Variants in TENM2 observed in about 807,000 individuals in gnomAD.
TENM2 encodes the protein teneurin-2.
Under a neutral mutation model 245.2 loss-of-function variants are expected in TENM2, and 52 were observed. That is an observed-to-expected ratio of 0.21 (90% CI 0.17 to 0.27). TENM2 has a LOEUF of 0.27. Ranked by LOEUF, TENM2 falls within the 10% of genes least tolerant of loss-of-function variation. The pLI, the probability that TENM2 is intolerant of heterozygous loss-of-function variation, is 1.00. For synonymous variants in TENM2, 1,363 were observed against 1,438.9 expected, an observed-to-expected ratio of 0.95 and a Z score of 1.19; for missense variants, 3,046 against 3,666.8, an observed-to-expected ratio of 0.83 and a Z score of 4.37.
chr5:167,866,802 A>G (rs1772361986), intron 2 of TENM2, among the ~76,000 whole-genome samples: 1 of 152,216 alleles, frequency 6.6e-6, no homozygotes, highest in African/African-American at 2.4e-5. Context: ...GAAAGGTAGA[A>G]CAATAGTCTA....
At chr5:167,127,474 C>T in the TENM2 span, among the ~76,000 whole-genome samples, 1 of 152,126 alleles carries the variant, frequency 6.6e-6, no homozygotes, top group African/African-American at 2.4e-5. Context: ...TTGATGCATT[C>T]ATTTTACTAC....
At chr5:167,561,460 T>C (rs770746237) in intron 2 of TENM2, among the ~76,000 whole-genome samples, 15 of 152,158 alleles carry the variant, frequency 9.9e-5, no homozygotes, top group Non-Finnish European at 2.2e-4. Context: ...AGGCTGAACT[T>C]TTGCTGCCCA....
the TENM2 span, among the ~76,000 whole-genome samples, chr5:167,212,312 G>A: frequency 3.3e-5 from 5 of 152,096 alleles, no homozygotes; most frequent in East Asian, 3.9e-4. Context: ...AGCAGCAGCC[G>A]GACCTTTCTC....
chr5:167,424,081 G>A (rs1763669491), intron 2 of TENM2, among the ~76,000 whole-genome samples: 1 of 152,094 alleles, frequency 6.6e-6, no homozygotes, highest in Non-Finnish European at 1.5e-5. Flanking sequence ...AGAAATACCT[G>A]TCTTTGGCCA....
intron 2 of TENM2, among the ~76,000 whole-genome samples, chr5:167,696,753 T>G (rs1322169338): frequency 2.6e-5 from 4 of 152,154 alleles, no homozygotes; most frequent in African/African-American, 9.7e-5. Context: ...AACCACACTT[T>G]GTCGGAGAGA....
the TENM2 span, among the ~76,000 whole-genome samples, chr5:167,276,975 C>T: frequency 6.6e-6 from 1 of 152,094 alleles, no homozygotes; most frequent in South Asian, 2.1e-4. Flanking sequence ...CTGTTTTATT[C>T]CTGATGTGGA....
At chr5:167,233,129 A>G in the TENM2 span, among the ~76,000 whole-genome samples, 3 of 152,164 alleles carry the variant, frequency 2.0e-5, no homozygotes, top group African/African-American at 7.2e-5. Context: ...GATCATTACT[A>G]TGAGCTCTGG....
At chr5:167,690,069 A>G (rs920544360) in intron 2 of TENM2, among the ~76,000 whole-genome samples, 37 of 150,264 alleles carry the variant, frequency 2.5e-4, no homozygotes, top group Non-Finnish European at 5.3e-4. Context: ...TCATCTGGGA[A>G]TGGAAGAGGC....
chr5:167,623,691 TTTG>T (rs1371874680), intron 2 of TENM2, among the ~76,000 whole-genome samples: 1 of 152,192 alleles, frequency 6.6e-6, no homozygotes, highest in East Asian at 1.9e-4. Context: ...ATTGATCTTT[TTTG>T]TTGTTGTTCT....
chr5:167,724,945 C>G (rs897786213), intron 2 of TENM2, among the ~76,000 whole-genome samples: 1 of 152,168 alleles, frequency 6.6e-6, no homozygotes, highest in Non-Finnish European at 1.5e-5. Flanking sequence ...CATCTTACCA[C>G]TCTTCCTGGC....
At chr5:167,596,237 A>G (rs1327992435) in intron 2 of TENM2, among the ~76,000 whole-genome samples, 1 of 152,124 alleles carries the variant, frequency 6.6e-6, no homozygotes, top group African/African-American at 2.4e-5. Flanking sequence ...CTGAAAAGTA[A>G]ATATTGTCCC....
At chr5:167,602,850 A>T (rs1225330108) in intron 2 of TENM2, among the ~76,000 whole-genome samples, 1 of 152,208 alleles carries the variant, frequency 6.6e-6, no homozygotes, top group Non-Finnish European at 1.5e-5. Flanking sequence ...ATAAAGGCTA[A>T]AAATAAATAC....
the TENM2 span, among the ~76,000 whole-genome samples, chr5:167,240,258 CT>C: frequency 2.6e-3 from 361 of 141,264 alleles, no homozygotes; most frequent in Non-Finnish European, 2.2e-3. Context: ...GGTAGGTGGC[CT>C]TTTTTTTTTT....
chr5:167,596,441 T>C (rs1371385559), intron 2 of TENM2, among the ~76,000 whole-genome samples: 2 of 152,106 alleles, frequency 1.3e-5, no homozygotes, highest in Non-Finnish European at 2.9e-5. Flanking sequence ...ATTAATCACA[T>C]TGAGCTAGTT....
chr5:167,569,191 T>C (rs1774117795), intron 2 of TENM2, among the ~76,000 whole-genome samples: 1 of 150,854 alleles, frequency 6.6e-6, no homozygotes, highest in Admixed American at 6.6e-5. Context: ...TTATTTTGTA[T>C]AATTTTGATG....
intron 13 of TENM2, among the ~76,000 whole-genome samples, chr5:168,178,739 G>A (rs192815534): frequency 2.4e-4 from 37 of 152,330 alleles, no homozygotes; most frequent in Admixed American, 2.4e-3. Flanking sequence ...GACATTCAGA[G>A]GGTACCTATA....
intron 2 of TENM2, among the ~76,000 whole-genome samples, chr5:167,403,302 C>G (rs1437756919): frequency 7.6e-6 from 1 of 130,864 alleles, no homozygotes; most frequent in African/African-American, 3.3e-5. Context: ...TGTCTGCCAC[C>G]CTTGATTTTT....
intron 2 of TENM2, among the ~76,000 whole-genome samples, chr5:167,550,661 G>A (rs1015806590): frequency 1.3e-5 from 2 of 151,008 alleles, no homozygotes; most frequent in African/African-American, 2.4e-5. Context: ...GCAGGCTAGA[G>A]TACTTTCTAC....
the TENM2 span, among the ~76,000 whole-genome samples, chr5:167,216,023 C>T: frequency 6.6e-6 from 1 of 152,150 alleles, no homozygotes; most frequent in African/African-American, 2.4e-5. Flanking sequence ...TACTTTTTAT[C>T]ACCTCAAAAG....
Sources: allele counts gnomAD v4.1 joint callset (sites outside exome capture counted in the v4.1 genomes callset), GRCh38; gene constraint gnomAD v4.1.1; transcripts MANE v1.5; gene names NCBI Gene and HGNC (gene_info 2026-07-23, HGNC 2026-07-21).